Variants in CHD6 observed in about 807,000 individuals in gnomAD.
The protein encoded by CHD6 is chromodomain helicase DNA binding protein 6, also known as ATP-dependent chromatin remodeler CHD6.
A neutral mutation model predicts 276.9 loss-of-function variants in CHD6; 50 were observed. The ratio of observed to expected loss-of-function variants is 0.18; its 90% CI spans 0.14 to 0.23. CHD6 has a LOEUF of 0.23. Ranked by LOEUF, CHD6 falls within the 10% of genes least tolerant of loss-of-function variation. The pLI, the probability that CHD6 is intolerant of heterozygous loss-of-function variation, is 1.00. For synonymous variants in CHD6, 1,173 were observed against 1,229.3 expected (o/e 0.95, Z 0.96); for missense variants, 2,564 against 3,365.8 (o/e 0.76, Z 5.89).
chr20:41,467,561 G>GAAAAA (rs11472253), intron 17 of CHD6, among the ~76,000 whole-genome samples: 38 of 39,138 alleles, frequency 9.7e-4, no homozygotes, highest in East Asian at 2.1e-3. Flanking sequence ...TTCTGACAAT[G>GAAAAA]AAAAAAAAAA....
intron 1 of CHD6, among the ~76,000 whole-genome samples, chr20:41,617,703 T>A (rs1368672821): frequency 6.6e-6 from 1 of 151,968 alleles, no homozygotes; most frequent in East Asian, 1.9e-4. Flanking sequence ...TGGGCTCCAA[T>A]TTTCGGGGCG....
At chr20:41,464,504 G>A (rs929822136) in intron 17 of CHD6, among the ~76,000 whole-genome samples, 2 of 152,168 alleles carry the variant, frequency 1.3e-5, no homozygotes, top group African/African-American at 4.8e-5. Flanking sequence ...TGATAACAAG[G>A]TCCAGGCTTC....
intron 9 of CHD6, 63 bp downstream of exon 9, chr20:41,493,795 A>C: frequency 6.4e-7 from 1 of 1,563,564 alleles, no homozygotes; most frequent in Non-Finnish European, 8.8e-7. Context: ...CAAGGGTCAC[A>C]TGTTAAAACA....
intron 35 of CHD6, 46 bp from the exon 36 acceptor site, chr20:41,412,309 A>AT: frequency 6.2e-7 from 1 of 1,606,412 alleles, no homozygotes; most frequent in Non-Finnish European, 8.5e-7. Flanking sequence ...GCTATCCCAG[A>AT]TTCTTCTGAT....
At chr20:41,538,135 G>A (rs2044871666) in intron 2 of CHD6, among the ~76,000 whole-genome samples, 1 of 152,202 alleles carries the variant, frequency 6.6e-6, no homozygotes, top group South Asian at 2.1e-4. Flanking sequence ...CGGATCACAT[G>A]AGGTCAGGAG....
chr20:41,477,442 A>T (rs1306532270), intron 16 of CHD6, among the ~76,000 whole-genome samples: 1 of 152,164 alleles, frequency 6.6e-6, no homozygotes, highest in Non-Finnish European at 1.5e-5. Context: ...AATTCAATAT[A>T]TTTGGAAATA....
chr20:41,559,920 G>C (rs544454366), intron 1 of CHD6, among the ~76,000 whole-genome samples: 1 of 151,902 alleles, frequency 6.6e-6, no homozygotes, highest in South Asian at 2.1e-4. Flanking sequence ...ACCTGCTCCT[G>C]TGTTCCCCAT....
intron 5 of CHD6, among the ~76,000 whole-genome samples, chr20:41,501,583 A>C (rs2043830762): frequency 6.6e-6 from 1 of 152,238 alleles, no homozygotes; most frequent in African/African-American, 2.4e-5. Flanking sequence ...GTTTGCTTCC[A>C]ATTTTTGTAT....
chr20:41,420,110 A>G (rs369090636), intron 31 of CHD6, among the ~76,000 whole-genome samples: 5 of 152,290 alleles, frequency 3.3e-5, no homozygotes, highest in African/African-American at 1.2e-4. Flanking sequence ...TCAGTTCCTG[A>G]AAAATTAACT....
chr20:41,597,131 A>G (rs995373509), intron 1 of CHD6, among the ~76,000 whole-genome samples: 7 of 152,210 alleles, frequency 4.6e-5, no homozygotes, highest in Non-Finnish European at 1.0e-4. Context: ...TCACTTCAAA[A>G]GAGAATGTCC....
chr20:41,554,074 TGGGAG>T (rs1449176567), intron 1 of CHD6, among the ~76,000 whole-genome samples: 1 of 152,144 alleles, frequency 6.6e-6, no homozygotes, highest in Non-Finnish European at 1.5e-5. Context: ...CATCTGAGTC[TGGGAG>T]GTCCAAGCTG....
At chr20:41,596,513 C>CT (rs1320545991) in intron 1 of CHD6, among the ~76,000 whole-genome samples, 1 of 151,938 alleles carries the variant, frequency 6.6e-6, no homozygotes, top group Non-Finnish European at 1.5e-5. Flanking sequence ...CACAAACATC[C>CT]TCCCGGTCAA....
chr20:41,485,701 G>A (rs1386001523), intron 14 of CHD6: 1 of 152,062 alleles, frequency 6.6e-6, no homozygotes, highest in Non-Finnish European at 1.5e-5. Context: ...GGGTGGGGCG[G>A]GGTAGGGAGG....
At chr20:41,598,217 C>T (rs1027185465) in intron 1 of CHD6, among the ~76,000 whole-genome samples, 13 of 152,098 alleles carry the variant, frequency 8.5e-5, no homozygotes, top group Non-Finnish European at 1.9e-4. Context: ...GAGCAGAGGT[C>T]GCAGGGGCAG....
chr20:41,436,318 C>T (rs2047708064), intron 27 of CHD6, among the ~76,000 whole-genome samples: 1 of 152,168 alleles, frequency 6.6e-6, no homozygotes, highest in South Asian at 2.1e-4. Context: ...TATTGCTACA[C>T]ACCTACCAGA....
intron 10 of CHD6, 125 bp downstream of exon 10, chr20:41,493,413 G>T: frequency 1.1e-6 from 1 of 947,740 alleles, no homozygotes; most frequent in Non-Finnish European, 1.6e-6. Flanking sequence ...AGGGTTCAAT[G>T]AGAAGTAACA....
chr20:41,561,257 T>C (rs1043353335), intron 1 of CHD6, among the ~76,000 whole-genome samples: 6 of 152,236 alleles, frequency 3.9e-5, no homozygotes, highest in Admixed American at 6.5e-5. Context: ...ATCACCCTTA[T>C]TTATTAAATC....
chr20:41,551,359 T>G lies in CHD6; in HGVS notation c.-22A>C. 1 of 1,343,376 alleles carries G rather than the reference T, an allele frequency of 7.4e-7. No individual in the cohort carries two copies. The highest frequency in any genetic ancestry group is 1.1e-6 in the Non-Finnish European group (1 of 945,848). The allele number at this position is 1,343,376 out of a possible 1,614,324, so 83.2% of individuals were successfully genotyped here. On this transcript the variant is annotated splice_region_variant and 5_prime_UTR_variant, in exon 2 of 37. Transcript: ENST00000373233. The stretch of plus-strand genomic sequence containing the variant: ...TCATCTATTGAAGGAAGATATTTAT[T>G]TCTGTAAAACATTTTTAAAAAGGCA...
In CHD6 at chr20:41,451,989, T is replaced by C; in HGVS notation, c.3360A>G (p.Arg1120=). The C allele has an allele frequency of 6.2e-7, 1 of 1,614,114 alleles. No individual in the cohort carries two copies. Among genetic ancestry groups the C allele is most frequent in the Non-Finnish European group, 8.5e-7 (1 of 1,180,014 alleles). Residue 1120 remains arginine (R), a synonymous_variant, in exon 22 of 37, where the codon CGA becomes CGG. Transcript: ENST00000373233. Reference sequence around the variant, plus strand: ...CCTTCTCGTTCAGATGCCACTTGAATCGGCCATGAGTCAGGATGTCCTTCC... The same window carrying C: ...CCTTCTCGTTCAGATGCCACTTGAACCGGCCATGAGTCAGGATGTCCTTCC... ...GRWKDILTHG[R]FKWHLNEKDM...
Sources: gnomAD v4.1 joint callset for allele counts (sites outside exome capture counted in the v4.1 genomes callset) on GRCh38, gnomAD v4.1.1 for gene constraint, MANE v1.5 for transcripts, NCBI Gene and HGNC (gene_info 2026-07-23, HGNC 2026-07-21) for gene names.